Variants in ICA1 observed in about 807,000 individuals in gnomAD.
ICA1 encodes the protein 69 kDa islet cell autoantigen.
A neutral mutation model predicts 71.0 loss-of-function variants in ICA1; 40 were observed. That is an observed-to-expected ratio of 0.56 (90% CI 0.44 to 0.73). ICA1 has a LOEUF of 0.73. Ranked by LOEUF, ICA1 falls within the 30% of genes least tolerant of loss-of-function variation. The probability of loss-of-function intolerance (pLI) is 0.00; values close to 1 mark genes in which losing one functional copy is unlikely to be tolerated. For missense variants in ICA1, 578 were observed against 576.5 expected (o/e 1.00, Z -0.03); for synonymous variants, 207 against 209.5 (o/e 0.99, Z 0.10).
chr7:8,201,161 C>G (rs1225087462), intron 6 of ICA1, among the ~76,000 whole-genome samples: 2 of 152,188 alleles, frequency 1.3e-5, no homozygotes, highest in Non-Finnish European at 1.5e-5. Flanking sequence ...CTGAGACATA[C>G]CTCTCCCTGG....
At chr7:8,202,729 A>G (rs1790146306) in intron 6 of ICA1, among the ~76,000 whole-genome samples, 1 of 152,232 alleles carries the variant, frequency 6.6e-6, no homozygotes, top group Admixed American at 6.5e-5. Flanking sequence ...AGCCAGGAAG[A>G]TATTTCTTAA....
At chr7:8,126,652 G>A (rs565237844) in intron 13 of ICA1, among the ~76,000 whole-genome samples, 12 of 151,848 alleles carry the variant, frequency 7.9e-5, no homozygotes, top group Non-Finnish European at 1.2e-4. Flanking sequence ...CAGCTTTACC[G>A]TTTTGTTCTC....
intron 6 of ICA1, among the ~76,000 whole-genome samples, chr7:8,200,338 C>CAAAAAAAAAA (rs34371233): frequency 7.4e-5 from 5 of 67,950 alleles, no homozygotes; most frequent in East Asian, 5.0e-4. Context: ...CACAGTTGAG[C>CAAAAAAAAAA]AAAAAAAAAA....
Position 8,127,904 on chromosome 7 carries a change from T to G in ICA1, c.1299A>C (p.Gln433His). 2 of 1,614,134 alleles carry G rather than the reference T, an allele frequency of 1.2e-6. No homozygotes were observed. Among genetic ancestry groups the G allele is most frequent in the Non-Finnish European group, 1.7e-6 (2 of 1,180,010 alleles). The part of the protein sequence containing the change: ...SGFLPSQLLD[Q>H]NMKDLQASLQ... ...GCGAGGCCTGTAAGTCTTTCATATT[T>G]TGGTCTAAAAGCTGCGAAGGAAGGA... Residue 433 changes from glutamine to histidine, a missense_variant, in exon 13 of 14, where the codon CAA (glutamine) becomes CAC (histidine). Coordinates refer to ENST00000402384, the MANE Select transcript of ICA1 (RefSeq NM_001136020.3).
At chr7:8,255,689 C>T (rs978783687) in intron 1 of ICA1, among the ~76,000 whole-genome samples, 3 of 32,246 alleles carry the variant, frequency 9.3e-5, no homozygotes, top group African/African-American at 4.9e-4. Context: ...TTTCCATCTG[C>T]ACTCTCAAAT....
chr7:8,243,906 C>G (rs1020420400), intron 1 of ICA1, among the ~76,000 whole-genome samples: 10 of 151,932 alleles, frequency 6.6e-5, no homozygotes, highest in African/African-American at 1.9e-4. Flanking sequence ...CACTGCTCAA[C>G]GAAATAAAAG....
intron 6 of ICA1, among the ~76,000 whole-genome samples, chr7:8,190,057 T>C (rs1297888598): frequency 1.3e-5 from 2 of 152,220 alleles, no homozygotes; most frequent in African/African-American, 2.4e-5. Context: ...TATTATGCAG[T>C]AGCCTGGCAA....
At chr7:8,159,826 T>G (rs1323056556) in intron 6 of ICA1, among the ~76,000 whole-genome samples, 4 of 152,170 alleles carry the variant, frequency 2.6e-5, no homozygotes. Flanking sequence ...AACCAGCCAA[T>G]TTTTCAAAAA....
At chr7:8,256,803 T>C (rs1318776391) in intron 1 of ICA1, among the ~76,000 whole-genome samples, 1 of 152,224 alleles carries the variant, frequency 6.6e-6, no homozygotes, top group Non-Finnish European at 1.5e-5. Context: ...TGGAGCACAG[T>C]AGCCATTCAG....
At position 8,232,600 on chromosome 7, in the gene ICA1, G is replaced by T; in HGVS notation, c.173C>A (p.Ala58Asp). 6.2e-7 allele frequency: 1 copy of T among 1,610,684 alleles called. No homozygotes were observed. The highest frequency in any genetic ancestry group is 8.5e-7 in the Non-Finnish European group (1 of 1,178,390). The part of the protein sequence containing the change: ...HVVASDADLD[A>D]KLELFHSIQR... ...CAATAAAGAGCTCACCTCTAGCTTG[G>T]CATCCAGGTCCGCGTCAGAGGCAAC... The change falls in exon 3 of 14, where the codon GCC becomes GAC. Residue 58 changes from alanine to aspartate, a missense_variant. Transcript: ENST00000402384.
intron 6 of ICA1, among the ~76,000 whole-genome samples, chr7:8,178,889 G>A (rs1781380401): frequency 1.3e-5 from 2 of 152,108 alleles, no homozygotes; most frequent in South Asian, 2.1e-4. Context: ...ATGACCAGGT[G>A]CTCTTATGGT....
intron 6 of ICA1, among the ~76,000 whole-genome samples, chr7:8,206,254 G>GT (rs1227813849): frequency 1.3e-5 from 2 of 152,052 alleles, no homozygotes; most frequent in Non-Finnish European, 2.9e-5. Flanking sequence ...TCAGGCACTA[G>GT]TTTTGATCCT....
At chr7:8,195,123 G>C (rs1406823895) in intron 6 of ICA1, among the ~76,000 whole-genome samples, 1 of 152,174 alleles carries the variant, frequency 6.6e-6, no homozygotes, top group Non-Finnish European at 1.5e-5. Flanking sequence ...ATGAAAAAAT[G>C]CCCAATATTG....
At chr7:8,185,611 G>C (rs1397483562) in intron 6 of ICA1, among the ~76,000 whole-genome samples, 2 of 152,174 alleles carry the variant, frequency 1.3e-5, no homozygotes, top group African/African-American at 4.8e-5. Flanking sequence ...TTAATCTTAA[G>C]AACCATCTGC....
In ICA1 at chr7:8,156,676, GAAGT is replaced by G. The variant is rs536350476; in HGVS notation, c.804+436_804+439del. 530 of 674,664 alleles carry G rather than the reference GAAGT, an allele frequency of 7.9e-4. 4 individuals are homozygous for G. The African/African-American group carries it at 9.2e-3, about 12-fold the overall frequency. The allele number at this position is 674,664 out of a possible 1,614,324, so 41.8% of individuals were successfully genotyped here. On this transcript the variant is annotated intron_variant, in intron 8 of 13. Coordinates refer to ENST00000402384, the MANE Select transcript of ICA1 (RefSeq NM_001136020.3). ...TCTCAGAATAAAATGATACATTTCA[GAAGT>G]AAGAGAGGAAAGGAGGACACCTTCT...
chr7:8,244,122 C>T (rs1010462353), intron 1 of ICA1, among the ~76,000 whole-genome samples: 3 of 152,202 alleles, frequency 2.0e-5, no homozygotes, highest in Non-Finnish European at 4.4e-5. Context: ...GCAAGAAGAA[C>T]AAACCTGGAG....
chr7:8,122,511 G>A (rs960121847), intron 13 of ICA1, among the ~76,000 whole-genome samples: 1 of 152,278 alleles, frequency 6.6e-6, no homozygotes, highest in Non-Finnish European at 1.5e-5. Context: ...GGCATAGGAA[G>A]TGCTGCACTT....
chr7:8,227,919 A>G, intron 4 of ICA1: 1 of 415,952 alleles, frequency 2.4e-6, no homozygotes, highest in Non-Finnish European at 4.9e-6. Context: ...AATATTACTG[A>G]TGTAGAAAAA....
intron 12 of ICA1, among the ~76,000 whole-genome samples, chr7:8,129,566 C>T (rs1185738470): frequency 6.6e-6 from 1 of 152,112 alleles, no homozygotes; most frequent in Admixed American, 6.5e-5. Flanking sequence ...TTTAGTCGGA[C>T]AACTGTCTAA....
Sources: gnomAD v4.1 joint callset for allele counts (sites outside exome capture counted in the v4.1 genomes callset) on GRCh38, gnomAD v4.1.1 for gene constraint, MANE v1.5 for transcripts, NCBI Gene and HGNC (gene_info 2026-07-23, HGNC 2026-07-21) for gene names.